The following NOS1 variants were observed in gnomAD, a reference collection of about 807,000 sequenced individuals.
NOS1 encodes NOS type I.
NOS1 carries 51 observed loss-of-function variants against 164.5 expected under a neutral mutation model. The observed-to-expected ratio is 0.31, with a 90% CI of 0.25 to 0.39. The LOEUF (loss-of-function observed/expected upper bound fraction) is 0.39, where lower values mean the gene tolerates loss of function less well. NOS1 is among the 10% of genes least tolerant of loss of function. The pLI is 1.00. For synonymous variants in NOS1, 719 were observed against 745.8 expected (o/e 0.96, Z 0.59); for missense variants, 1,362 against 1,885.6 (o/e 0.72, Z 5.14).
intron 25 of NOS1, among the ~76,000 whole-genome samples, chr12:117,224,630 T>A (rs1307269956): frequency 1.3e-5 from 2 of 152,184 alleles, no homozygotes; most frequent in African/African-American, 2.4e-5. Flanking sequence ...TTTCTTTCTC[T>A]CTCTCTCCTC....
At chr12:117,284,053 C>G (rs1415636946) in intron 7 of NOS1, among the ~76,000 whole-genome samples, 1 of 152,040 alleles carries the variant, frequency 6.6e-6, no homozygotes, top group Non-Finnish European at 1.5e-5. Context: ...AGATTACAGG[C>G]CGTTTTCTTA....
rs41379845 is a variant in NOS1, at chr12:117,268,795, C to T, written c.1840-651G>A. ...TGTATTTTTAGTAGAGAGGGGGTTT[C>T]ACCGTGTTAGCCAGGATGGTCTCGA... On this transcript the variant is annotated intron_variant, in intron 10 of 28. Coordinates refer to ENST00000317775, the MANE Select transcript of NOS1 (RefSeq NM_000620.5). Among the ~76,000 whole-genome samples, 710 of 149,300 alleles carry T rather than the reference C, an allele frequency of 4.8e-3. 9 individuals are homozygous for T. Among genetic ancestry groups the T allele is most frequent in the African/African-American group, 0.017 (675 of 40,546 alleles).
chr12:117,337,104 C>CTATTTTTTTTT lies in NOS1; in HGVS notation c.-420-5616_-420-5615insAAAAAAAAATA, dbSNP rs1566082153. On this transcript the variant is annotated intron_variant, in intron 1 of 28. Coordinates refer to ENST00000317775, the MANE Select transcript of NOS1 (RefSeq NM_000620.5). ...AGCCACTGTACCCAGCTGCTTTTTA[C>CTATTTTTTTTT]TCTTTTTTTTTTTTTTTTTTTTTTT... Among the ~76,000 whole-genome samples the CTATTTTTTTTT allele has an allele frequency of 2.1e-5, 2 of 94,074 alleles. 1 individual carries two copies. 61.7% of individuals were successfully genotyped at this position (94,074 alleles called of 152,430 possible). A position where few individuals can be genotyped will look rare whatever the true frequency, so the allele number is the denominator to read the frequency against.
intron 13 of NOS1, among the ~76,000 whole-genome samples, chr12:117,261,282 T>C (rs1208885749): frequency 1.3e-5 from 2 of 151,942 alleles, no homozygotes; most frequent in Non-Finnish European, 2.9e-5. Context: ...ATCCCAGGCT[T>C]AAGAACCTTG....
chr12:117,226,619 C>A, intron 24 of NOS1, 64 bp downstream of exon 24: 1 of 1,484,462 alleles, frequency 6.7e-7, no homozygotes, highest in South Asian at 1.1e-5. Context: ...TCCACCTACC[C>A]CAACTTGTGA....
chr12:117,353,006 A>C (rs1876694859), intron 1 of NOS1, among the ~76,000 whole-genome samples: 1 of 152,102 alleles, frequency 6.6e-6, no homozygotes, highest in South Asian at 2.1e-4. Context: ...TCTATCAGTC[A>C]TCTATCTATC....
At chr12:117,246,550 C>T (rs1251881466) in intron 18 of NOS1, among the ~76,000 whole-genome samples, 2 of 152,106 alleles carry the variant, frequency 1.3e-5, no homozygotes, top group African/African-American at 4.8e-5. Flanking sequence ...GTTATGCAAC[C>T]CTTCCCATTA....
Position 117,213,042 on chromosome 12 carries a change from G to T in NOS1, c.*2267C>A. 1 of 985,464 alleles carries T rather than the reference G, an allele frequency of 1.0e-6. No individual in the cohort carries two copies. The highest frequency in any genetic ancestry group is 1.7e-5 in the African/African-American group (1 of 57,370). The allele number at this position is 985,464 out of a possible 1,614,324, so 61.0% of individuals were successfully genotyped here. A position where few individuals can be genotyped will look rare whatever the true frequency, so the allele number is the denominator to read the frequency against. On this transcript the variant is annotated 3_prime_UTR_variant, in exon 29 of 29. Transcript: ENST00000317775. ...TTCTTTGGACTCCTTGACAAAATGA[G>T]ACAATGTTTCCATCTGTCTGCTACT...
chr12:117,321,601 A>G (rs1292090967), intron 2 of NOS1, among the ~76,000 whole-genome samples: 2 of 152,122 alleles, frequency 1.3e-5, no homozygotes, highest in East Asian at 3.9e-4. Flanking sequence ...GTGGATGGGG[A>G]GCTGCTTACG....
chr12:117,343,579 A>G (rs181044008), intron 1 of NOS1, among the ~76,000 whole-genome samples: 10 of 152,350 alleles, frequency 6.6e-5, no homozygotes, highest in African/African-American at 2.2e-4. Flanking sequence ...CTAGTTGCCA[A>G]GACTTTCGTA....
chr12:117,324,537 C>T (rs1009407111), intron 2 of NOS1, among the ~76,000 whole-genome samples: 1 of 152,114 alleles, frequency 6.6e-6, no homozygotes, highest in Non-Finnish European at 1.5e-5. Context: ...TGAGACCAGC[C>T]TGGGCAACAT....
Position 117,208,465 on chromosome 12 carries a change from C to T in NOS1, c.*6844G>A, listed in dbSNP as rs1041906390. ...CTGCCCACCTCCCCAGCTTCCCAAG[C>T]CCGGAACGGACACTGCGACGTGGGG... On this transcript the variant is annotated 3_prime_UTR_variant, in exon 29 of 29. Transcript: ENST00000317775. The T allele has an allele frequency of 7.8e-7, 1 of 1,274,026 alleles. No individual in the cohort carries two copies. The highest frequency in any genetic ancestry group is 1.5e-5 in the African/African-American group (1 of 65,102). The allele number at this position is 1,274,026 out of a possible 1,614,324, so 78.9% of individuals were successfully genotyped here.
rs897391678 is a variant in NOS1 at position 117,213,659 on chromosome 12, A to G, written c.*1650T>C. On this transcript the variant is annotated 3_prime_UTR_variant, in exon 29 of 29. Coordinates refer to ENST00000317775, the MANE Select transcript of NOS1 (RefSeq NM_000620.5). ...TTAGCAGACACCCAAACTGAACAAC[A>G]AGATATGCCCACGTACAGTATATAA... 6.1e-6 allele frequency: 6 copies of G among 985,340 alleles called. No homozygotes were observed. Among genetic ancestry groups the G allele is most frequent in the Non-Finnish European group, 7.2e-6 (6 of 829,956 alleles). 61.0% of individuals were successfully genotyped at this position (985,340 alleles called of 1,614,324 possible). A position where few individuals can be genotyped will look rare whatever the true frequency, so the allele number is the denominator to read the frequency against.
chr12:117,273,103 C>A (rs1268239057), intron 9 of NOS1, among the ~76,000 whole-genome samples: 7 of 152,312 alleles, frequency 4.6e-5, no homozygotes, highest in East Asian at 3.9e-4. Context: ...TTCTGGAAAG[C>A]CTTCCCTGAG....
At chr12:117,231,448 T>A (rs907356138) in intron 22 of NOS1, among the ~76,000 whole-genome samples, 3 of 151,760 alleles carry the variant, frequency 2.0e-5, no homozygotes, top group African/African-American at 7.3e-5. Context: ...CACAAAGAAA[T>A]GATGAATGCT....
In NOS1 at chr12:117,255,939, T is replaced by C. The variant is rs200604635; in HGVS notation, c.2532-2185A>G. The C allele has an allele frequency of 1.2e-4, 174 of 1,493,520 alleles. No homozygotes were observed. The highest frequency in any genetic ancestry group is 1.7e-4 in the Middle Eastern group (1 of 5,776). The allele number at this position is 1,493,520 out of a possible 1,614,324, so 92.5% of individuals were successfully genotyped here. ...TGTACACACATGCACACTCTACCTGTGCTGGCTGTCACGGGCTGCAGCCAG... is the reference window on the plus strand; with the variant it reads ...TGTACACACATGCACACTCTACCTGCGCTGGCTGTCACGGGCTGCAGCCAG... On this transcript the variant is annotated intron_variant, in intron 16 of 28. Transcript: ENST00000317775.
intron 14 of NOS1, among the ~76,000 whole-genome samples, chr12:117,259,916 G>A (rs1370434396): frequency 2.0e-5 from 3 of 151,760 alleles, no homozygotes; most frequent in Non-Finnish European, 2.9e-5. Context: ...TCAGGAGATC[G>A]AGACCATCCT....
intron 9 of NOS1, among the ~76,000 whole-genome samples, chr12:117,276,623 C>T (rs191045130): frequency 6.6e-6 from 1 of 151,686 alleles, no homozygotes; most frequent in Non-Finnish European, 1.5e-5. Flanking sequence ...CTTCCCCTCA[C>T]CCCCTCCACT....
intron 1 of NOS1, among the ~76,000 whole-genome samples, chr12:117,354,520 C>CA (rs1312179214): frequency 1.3e-5 from 2 of 152,120 alleles, no homozygotes; most frequent in African/African-American, 4.8e-5. Flanking sequence ...GATACTGCTT[C>CA]AAAAAAATTA....
Sources: allele counts gnomAD v4.1 joint callset (sites outside exome capture counted in the v4.1 genomes callset), GRCh38; gene constraint gnomAD v4.1.1; transcripts MANE v1.5; gene names NCBI Gene and HGNC (gene_info 2026-07-23, HGNC 2026-07-21).